STX4: variants seen among roughly 807,000 people sequenced by gnomAD.
The protein encoded by STX4 is syntaxin-4.
A neutral mutation model predicts 41.8 loss-of-function variants in STX4; 24 were observed. The ratio of observed to expected loss-of-function variants is 0.57; its 90% CI spans 0.42 to 0.81. STX4 has a LOEUF of 0.81. STX4 is among the 30% of genes least tolerant of loss of function. The pLI is 0.00. For missense variants in STX4, 316 were observed against 389.9 expected (o/e 0.81, Z 1.60); for synonymous variants, 158 against 156.4 (o/e 1.01, Z -0.08).
intron 5 of STX4, among the ~76,000 whole-genome samples, chr16:31,037,055 C>CCA (rs2056804802): frequency 3.3e-4 from 3 of 9,230 alleles, no homozygotes; most frequent in South Asian, 0.019. Flanking sequence ...TATAGTGAGA[C>CCA]CCCCCCCCCT....
At position 31,038,098 on chromosome 16, in the gene STX4, G is replaced by T; in HGVS notation, c.488-16G>T. 1 of 1,614,172 alleles carries T rather than the reference G, an allele frequency of 6.2e-7. No individual in the cohort carries two copies. The highest frequency in any genetic ancestry group is 8.5e-7 in the Non-Finnish European group (1 of 1,180,022). On this transcript the variant is annotated splice_polypyrimidine_tract_variant and intron_variant, in intron 6 of 10. Coordinates refer to ENST00000313843, the MANE Select transcript of STX4 (RefSeq NM_004604.5). ...TAATCCCAACCCAACCCTGAGCCTG[G>T]CCTTTTCCTTCACAGCCAATGCTGG...
At chr16:31,034,937 A>G in intron 4 of STX4, 33 bp from the exon 5 acceptor site, 1 of 1,523,456 alleles carries the variant, frequency 6.6e-7, no homozygotes, top group South Asian at 1.3e-5. Flanking sequence ...CTATGGAGAC[A>G]AGTACCCCCA....
At chr16:31,034,601 G>A in intron 4 of STX4, 65 bp downstream of exon 4, 1 of 1,467,430 alleles carries the variant, frequency 6.8e-7, no homozygotes, top group Non-Finnish European at 9.1e-7. Context: ...GTATATCTGG[G>A]GAGTGTGTGG....
chr16:31,033,627 G>A lies in STX4; in HGVS notation c.-179G>A, dbSNP rs1166268503. 1.4e-6 allele frequency: 2 copies of A among 1,478,510 alleles called. No individual in the cohort carries two copies. The highest frequency in any genetic ancestry group is 2.5e-5 in the East Asian group (1 of 40,370). The allele number at this position is 1,478,510 out of a possible 1,614,324, so 91.6% of individuals were successfully genotyped here. On this transcript the variant is annotated 5_prime_UTR_variant, in exon 1 of 11. Transcript: ENST00000313843. This position sits in a 1 kb window ranked among gnomAD's most constrained non-coding sequence, Gnocchi z 5.5. ...ACCTGTGGAACCTTGGGGGGTCCCC[G>A]GGGTCGGCGCCTTCCCATTGACTGT...
At chr16:31,034,823 C>T in intron 4 of STX4, 147 bp from the exon 5 acceptor site, 1 of 804,612 alleles carries the variant, frequency 1.2e-6, no homozygotes. Context: ...CTCTGCATAC[C>T]TATGGGAACT....
In STX4 at chr16:31,033,746, G is replaced by A; in HGVS notation, c.-60G>A. ...AGTGTCAGAGTGTGAGCGGGGTACG[G>A]GAATTCCAAATTTGAGGGCCTCCCG... On this transcript the variant is annotated 5_prime_UTR_variant, in exon 1 of 11. Transcript: ENST00000313843. This position sits in a 1 kb window ranked among gnomAD's most constrained non-coding sequence, Gnocchi z 5.5. The A allele has an allele frequency of 1.1e-5, 16 of 1,453,550 alleles. No individual in the cohort carries two copies. The highest frequency in any genetic ancestry group is 1.5e-5 in the Non-Finnish European group (16 of 1,102,228). The allele number at this position is 1,453,550 out of a possible 1,614,324, so 90.0% of individuals were successfully genotyped here.
rs1046160524 is a variant in STX4 at position 31,033,738 on chromosome 16, G to A, written c.-68G>A. 7 of 1,451,558 alleles carry A rather than the reference G, an allele frequency of 4.8e-6. No homozygotes were observed. The highest frequency in any genetic ancestry group is 1.4e-5 in the African/African-American group (1 of 69,652). 89.9% of individuals were successfully genotyped at this position (1,451,558 alleles called of 1,614,324 possible). A position where few individuals can be genotyped will look rare whatever the true frequency, so the allele number is the denominator to read the frequency against. ...GGGAGGGGAGTGTCAGAGTGTGAGC[G>A]GGGTACGGGAATTCCAAATTTGAGG... On this transcript the variant is annotated 5_prime_UTR_variant, in exon 1 of 11. Transcript: ENST00000313843. The surrounding 1 kb of genome is among the most constrained non-coding windows in gnomAD (Gnocchi z 5.5).
rs202079410 is a variant in STX4 at position 31,038,062 on chromosome 16, G to A, written c.487+28G>A. 54 of 1,613,928 alleles carry A rather than the reference G, an allele frequency of 3.3e-5. No homozygotes were observed. In the East Asian group the frequency reaches 7.8e-4, roughly 23 times the overall value. ...GAGTTGTGCATGCCCAGCCTGGCCC[G>A]CAGGGGCAGGTAATCCCAACCCAAC... On this transcript the variant is annotated intron_variant, in intron 6 of 10. Transcript: ENST00000313843.
rs149552887 is a variant in STX4 at position 31,039,762 on chromosome 16, G to T, written c.853G>T (p.Val285Phe). The change falls in exon 10 of 11, where the codon GTC (valine) becomes TTC (phenylalanine). Residue 285 changes from valine (V) to phenylalanine (F), a missense_variant. Val to Phe is a conservative substitution (Grantham distance 50). Coordinates refer to ENST00000313843, the MANE Select transcript of STX4 (RefSeq NM_004604.5). This position sits in a 1 kb window ranked among gnomAD's most constrained non-coding sequence, Gnocchi z 4.1. ...TGCCATCTGTGTGTCCATCACCGTC[G>T]TCCTCCTAGCAGTCATCATTGGCGT... is the stretch of plus-strand genomic sequence containing the variant. The part of the protein sequence containing the change: ...LIAICVSITV[V>F]LLAVIIGVTV... The T allele has an allele frequency of 1.7e-5, 27 of 1,614,062 alleles. No homozygotes were observed. The highest frequency in any genetic ancestry group is 2.2e-5 in the Non-Finnish European group (26 of 1,180,050).
Position 31,034,099 on chromosome 16 carries a change from G to C in STX4, c.117G>C (p.Glu39Asp). Residue 39 changes from glutamate to aspartate, a missense_variant, in exon 2 of 11, where the codon GAG (glutamate) becomes GAC (aspartate). Physicochemically the swap from Glu to Asp is conservative, Grantham distance 45 (BLOSUM62 2). Transcript: ENST00000313843. ...PGTARLGSPDEEFFHKVRTIR... is the reference protein window; with the variant it reads ...PGTARLGSPDDEFFHKVRTIR... ...CGGCACGGCTGGGGAGCCCGGACGAGGAGTTCTTCCACAAGGTAAGGGGCT... is the reference window on the plus strand; with the variant it reads ...CGGCACGGCTGGGGAGCCCGGACGACGAGTTCTTCCACAAGGTAAGGGGCT... 1 of 1,609,000 alleles carries C rather than the reference G, an allele frequency of 6.2e-7. No individual in the cohort carries two copies.
chr16:31,039,950 TC>T lies in STX4; in HGVS notation c.*57del. ...CAGGAACCCAGGGCCTGGCCTTCTC[TC>T]CCAGCAGCCTGGGGGGCAGGGCAGA... On this transcript the variant is annotated 3_prime_UTR_variant, in exon 11 of 11. Transcript: ENST00000313843. This position sits in a 1 kb window ranked among gnomAD's most constrained non-coding sequence, Gnocchi z 4.1. The T allele has an allele frequency of 1.1e-6, 1 of 901,906 alleles. No individual in the cohort carries two copies. Among genetic ancestry groups the T allele is most frequent in the Non-Finnish European group, 1.7e-6 (1 of 577,040 alleles). 55.9% of individuals were successfully genotyped at this position (901,906 alleles called of 1,614,324 possible). A position where few individuals can be genotyped will look rare whatever the true frequency, so the allele number is the denominator to read the frequency against.
Position 31,039,391 on chromosome 16 carries a change from C to T in STX4, c.703-150C>T, listed in dbSNP as rs2056826775. 1.4e-6 allele frequency: 1 copy of T among 699,456 alleles called. No individual in the cohort carries two copies. Among genetic ancestry groups the T allele is most frequent in the Non-Finnish European group, 2.4e-6 (1 of 420,334 alleles). 43.3% of individuals were successfully genotyped at this position (699,456 alleles called of 1,614,324 possible). On this transcript the variant is annotated intron_variant, in intron 8 of 10. Coordinates refer to ENST00000313843, the MANE Select transcript of STX4 (RefSeq NM_004604.5). The surrounding 1 kb of genome is among the most constrained non-coding windows in gnomAD (Gnocchi z 4.1). ...TGATAGAAGGGGCCTGGAAGCCATC[C>T]CCAAGGAGTCTGAACTTTTGTCAGA... is the stretch of plus-strand genomic sequence containing the variant.
At chr16:31,033,492 C>T (rs1004841965), upstream of STX4, 28 of 1,550,512 alleles carry the variant, frequency 1.8e-5, no homozygotes, top group Admixed American at 4.9e-4. The surrounding 1 kb of genome is among the most constrained non-coding windows in gnomAD (Gnocchi z 5.5). Context: ...CTCCACCTTC[C>T]CAGCCTCGGG....
Position 31,038,042 on chromosome 16 carries a change from G to T in STX4, c.487+8G>T. The T allele has an allele frequency of 6.2e-7, 1 of 1,614,226 alleles. No individual in the cohort carries two copies. The highest frequency in any genetic ancestry group is 8.5e-7 in the Non-Finnish European group (1 of 1,180,034). On this transcript the variant is annotated splice_region_variant and intron_variant, in intron 6 of 10. Coordinates refer to ENST00000313843, the MANE Select transcript of STX4 (RefSeq NM_004604.5). The stretch of plus-strand genomic sequence containing the variant: ...GGAGGCAGCTGAAGATCAGTGAGTT[G>T]TGCATGCCCAGCCTGGCCCGCAGGG...
At chr16:31,038,390 A>G in intron 7 of STX4, 120 bp from the exon 8 acceptor site, 1 of 1,445,120 alleles carries the variant, frequency 6.9e-7, no homozygotes, top group Non-Finnish European at 9.6e-7. Flanking sequence ...GGAATTAATT[A>G]GCCTGCCTGG....
Position 31,035,114 on chromosome 16 carries a change from G to A in STX4, c.378+74G>A, listed in dbSNP as rs1347378679. 11 of 1,273,920 alleles carry A rather than the reference G, an allele frequency of 8.6e-6. No individual in the cohort carries two copies. The Admixed American group carries it at 2.1e-4, about 24-fold the overall frequency. The allele number at this position is 1,273,920 out of a possible 1,614,324, so 78.9% of individuals were successfully genotyped here. On this transcript the variant is annotated intron_variant, in intron 5 of 10. Transcript: ENST00000313843. ...AAGTATTAGATGACAGGTGTATGAA[G>A]GAAGGGCCTGCAGAGATCATGGAGT...
upstream of STX4, chr16:31,033,374 C>G (rs2056769252): frequency 2.0e-6 from 2 of 993,826 alleles, no homozygotes; most frequent in African/African-American, 3.2e-5. The surrounding 1 kb of genome is among the most constrained non-coding windows in gnomAD (Gnocchi z 5.5). Context: ...GTATTCCTAC[C>G]CCTTTTGGCA....
In STX4 at chr16:31,033,888, G is replaced by T; in HGVS notation, c.30+53G>T. 1 of 1,454,044 alleles carries T rather than the reference G, an allele frequency of 6.9e-7. No homozygotes were observed. Among genetic ancestry groups the T allele is most frequent in the Non-Finnish European group, 9.1e-7 (1 of 1,100,304 alleles). The allele number at this position is 1,454,044 out of a possible 1,614,324, so 90.1% of individuals were successfully genotyped here. ...GACGGGCGGACGAACTGGAACGCAG[G>T]ACTTCTGGTCTTCGGGATAGGGAGG... On this transcript the variant is annotated intron_variant, in intron 1 of 10. Transcript: ENST00000313843. The surrounding 1 kb of genome is among the most constrained non-coding windows in gnomAD (Gnocchi z 5.5).
chr16:31,037,304 T>C (rs2056808254), intron 5 of STX4, among the ~76,000 whole-genome samples: 1 of 150,180 alleles, frequency 6.7e-6, no homozygotes, highest in Admixed American at 6.6e-5. Flanking sequence ...CCTCAGGTGA[T>C]CCACCTGCCT....
Sources: allele counts gnomAD v4.1 joint callset (sites outside exome capture counted in the v4.1 genomes callset), GRCh38; gene constraint gnomAD v4.1.1; non-coding constraint Gnocchi (gnomAD v3.1); transcripts MANE v1.5; gene names NCBI Gene and HGNC (gene_info 2026-07-23, HGNC 2026-07-21).